The following KCNH1 variants were observed in gnomAD, a reference collection of about 807,000 sequenced individuals.
The protein encoded by KCNH1 is potassium voltage-gated channel subfamily H member 1.
KCNH1 carries 27 observed loss-of-function variants against 69.2 expected under a neutral mutation model. The observed-to-expected ratio is 0.39, with a 90% CI of 0.29 to 0.54. The LOEUF is 0.54. Among genes scored for constraint, KCNH1 ranks in the 20% least tolerant of loss-of-function variants. KCNH1 has a pLI of 0.68. For missense variants in KCNH1, 798 were observed against 1,261.6 expected (o/e 0.63, Z 5.57); for synonymous variants, 456 against 487.7 (o/e 0.93, Z 0.86).
At chr1:211,094,446 A>T (rs1310518537) in intron 3 of KCNH1, among the ~76,000 whole-genome samples, 2 of 152,134 alleles carry the variant, frequency 1.3e-5, no homozygotes, top group Non-Finnish European at 2.9e-5. Flanking sequence ...ATTGGTTCTG[A>T]TCATGGACAG....
At chr1:210,962,414 G>A (rs1389910181) in intron 6 of KCNH1, among the ~76,000 whole-genome samples, 2 of 151,822 alleles carry the variant, frequency 1.3e-5, no homozygotes, top group Non-Finnish European at 2.9e-5. Flanking sequence ...CCTGTCCCCT[G>A]CTATCTCTCC....
intron 10 of KCNH1, among the ~76,000 whole-genome samples, chr1:210,770,333 T>G (rs1683730379): frequency 6.6e-6 from 1 of 152,198 alleles, no homozygotes; most frequent in African/African-American, 2.4e-5. Context: ...GTAACAAACC[T>G]GTACGTTCTG....
intron 1 of KCNH1, among the ~76,000 whole-genome samples, chr1:211,123,131 A>G (rs955151490): frequency 6.6e-6 from 1 of 152,092 alleles, no homozygotes; most frequent in Non-Finnish European, 1.5e-5. Flanking sequence ...AGCTATGCCC[A>G]GTTTCCCTAT....
intron 10 of KCNH1, among the ~76,000 whole-genome samples, chr1:210,718,132 C>T (rs187915504): frequency 0.017 from 2,554 of 148,194 alleles, 35 homozygotes; most frequent in Middle Eastern, 0.037. Flanking sequence ...AAACAAAAAA[C>T]AAGGAAAAAA....
chr1:210,718,252 TATAA>T (rs1291262212), intron 10 of KCNH1, among the ~76,000 whole-genome samples: 2 of 40,784 alleles, frequency 4.9e-5, no homozygotes, highest in East Asian at 3.6e-4. Flanking sequence ...CTAAGTCTTC[TATAA>T]ATATTATAAA....
chr1:210,741,334 C>T (rs1321324981), intron 10 of KCNH1, among the ~76,000 whole-genome samples: 1 of 152,152 alleles, frequency 6.6e-6, no homozygotes, highest in Non-Finnish European at 1.5e-5. Flanking sequence ...TAACATGCTC[C>T]ATATAAATGG....
chr1:210,780,221 T>A (rs1362440230), intron 9 of KCNH1, among the ~76,000 whole-genome samples: 3 of 152,180 alleles, frequency 2.0e-5, no homozygotes, highest in Non-Finnish European at 2.9e-5. Context: ...GAAGGTGCTG[T>A]TTATTCAAAG....
intron 7 of KCNH1, among the ~76,000 whole-genome samples, chr1:210,881,811 T>C (rs1278054578): frequency 6.6e-6 from 1 of 152,206 alleles, no homozygotes; most frequent in Non-Finnish European, 1.5e-5. Context: ...ATTCTAACCA[T>C]ATGACATTCT....
rs115185666 is a variant in KCNH1, at chr1:211,132,111, A to C, written c.79+1756T>G. Among the ~76,000 whole-genome samples the C allele has an allele frequency of 8.2e-3, 1,244 of 152,338 alleles. 15 individuals are homozygous for C. Among genetic ancestry groups the C allele is most frequent in the African/African-American group, 0.028 (1,164 of 41,568 alleles). ...CTCCACTCAAAAACATACACAGTAT[A>C]CATTAGGTACTGGGTTTCCCCTCTA... On this transcript the variant is annotated intron_variant, in intron 1 of 10. Coordinates refer to ENST00000271751, the MANE Select transcript of KCNH1 (RefSeq NM_172362.3).
chr1:210,797,635 C>T lies in KCNH1; in HGVS notation c.1788G>A (p.Glu596=), dbSNP rs1254174286. The T allele has an allele frequency of 9.3e-6, 15 of 1,614,256 alleles. No individual in the cohort carries two copies. Among genetic ancestry groups the T allele is most frequent in the Non-Finnish European group, 1.0e-5 (12 of 1,180,040 alleles). The change falls in exon 9 of 11, where the codon GAG becomes GAA. Residue 596 remains glutamate (E), a synonymous_variant. Transcript: ENST00000271751. The stretch of plus-strand genomic sequence containing the variant: ...CTGGGGCACAGTGCACCGTCTGGAA[C>T]TCCATGGCCAGTGCCCGGAGGCAGC... ...SDGCLRALAM[E]FQTVHCAPGD...
At chr1:210,859,565 C>T (rs1198601591) in intron 7 of KCNH1, 2 of 1,568,348 alleles carry the variant, frequency 1.3e-6, no homozygotes, top group East Asian at 4.5e-5. Flanking sequence ...CCATCTTCAT[C>T]AATATCATCT....
intron 5 of KCNH1, among the ~76,000 whole-genome samples, chr1:211,028,770 T>C (rs944499111): frequency 6.6e-6 from 1 of 152,028 alleles, no homozygotes; most frequent in African/African-American, 2.4e-5. Context: ...AATGCATAAT[T>C]TTAAAACTCC....
chr1:210,868,992 GT>G (rs1408527891), intron 7 of KCNH1, among the ~76,000 whole-genome samples: 1 of 152,000 alleles, frequency 6.6e-6, no homozygotes, highest in African/African-American at 2.4e-5. Flanking sequence ...GCCTGAAAAA[GT>G]TTTTATTTCA....
intron 6 of KCNH1, among the ~76,000 whole-genome samples, chr1:210,999,070 T>C (rs531521866): frequency 1.1e-4 from 17 of 152,246 alleles, no homozygotes; most frequent in African/African-American, 2.4e-4. Flanking sequence ...AGGAAAGATC[T>C]AAAATTGACA....
At chr1:210,819,616 A>G (rs1441080599) in intron 7 of KCNH1, among the ~76,000 whole-genome samples, 2 of 152,136 alleles carry the variant, frequency 1.3e-5, no homozygotes, top group African/African-American at 4.8e-5. Flanking sequence ...AAAAAAAAAC[A>G]GCATTCAATT....
intron 7 of KCNH1, among the ~76,000 whole-genome samples, chr1:210,882,200 T>C (rs1237573393): frequency 6.6e-6 from 1 of 152,132 alleles, no homozygotes; most frequent in African/African-American, 2.4e-5. Context: ...CTCTAAACAA[T>C]AAAATTCTAT....
intron 3 of KCNH1, among the ~76,000 whole-genome samples, chr1:211,100,054 A>G (rs912607235): frequency 6.6e-6 from 1 of 151,858 alleles, no homozygotes. Flanking sequence ...TTTTAGAAGG[A>G]TTTTGCTATG....
At chr1:210,701,048 C>T (rs1681762486) in intron 10 of KCNH1, among the ~76,000 whole-genome samples, 1 of 152,192 alleles carries the variant, frequency 6.6e-6, no homozygotes. Context: ...CGCCACTCTC[C>T]TGCCTCAGCC....
At chr1:210,775,568 G>C in intron 9 of KCNH1, 24 bp from the exon 10 acceptor site, 1 of 1,597,594 alleles carries the variant, frequency 6.3e-7, no homozygotes, top group South Asian at 1.1e-5. Context: ...GTTGTCATGA[G>C]GAAAGTGTTG....
Sources: gnomAD v4.1 joint callset for allele counts (sites outside exome capture counted in the v4.1 genomes callset) on GRCh38, gnomAD v4.1.1 for gene constraint, MANE v1.5 for transcripts, NCBI Gene and HGNC (gene_info 2026-07-23, HGNC 2026-07-21) for gene names.